ADAMTS12: variants seen among roughly 807,000 people sequenced by gnomAD.
ADAMTS12 encodes A disintegrin and metalloproteinase with thrombospondin motifs 12.
Under a neutral mutation model 167.8 loss-of-function variants are expected in ADAMTS12, and 118 were observed. The ratio of observed to expected loss-of-function variants is 0.70; its 90% CI spans 0.61 to 0.82. The LOEUF (loss-of-function observed/expected upper bound fraction) is 0.82, where lower values mean the gene tolerates loss of function less well. ADAMTS12 is among the 40% of genes least tolerant of loss of function. The pLI is 0.00. For synonymous variants in ADAMTS12, 704 were observed against 716.9 expected (o/e 0.98, Z 0.29); for missense variants, 1,916 against 1,998.8 (o/e 0.96, Z 0.79).
chr5:33,792,149 C>G (rs1315181017), intron 2 of ADAMTS12, among the ~76,000 whole-genome samples: 1 of 152,068 alleles, frequency 6.6e-6, no homozygotes, highest in Non-Finnish European at 1.5e-5. Context: ...AGGCGCCCAC[C>G]ACCATACCCA....
chr5:33,739,110 G>A (rs1398479691), intron 3 of ADAMTS12, among the ~76,000 whole-genome samples: 1 of 152,138 alleles, frequency 6.6e-6, no homozygotes, highest in Non-Finnish European at 1.5e-5. Flanking sequence ...TCAACATGCT[G>A]CATTTAAAGA....
At chr5:33,862,663 A>T (rs1182501639) in intron 2 of ADAMTS12, among the ~76,000 whole-genome samples, 1 of 152,240 alleles carries the variant, frequency 6.6e-6, no homozygotes, top group Non-Finnish European at 1.5e-5. Context: ...AAACAATTGA[A>T]AAAGAGGGAA....
At chr5:33,643,629 C>T in intron 9 of ADAMTS12, among the ~76,000 whole-genome samples, 159 bp from the exon 10 acceptor site, 1 of 152,178 alleles carries the variant, frequency 6.6e-6, no homozygotes, top group African/African-American at 2.4e-5. Context: ...GTTTTCAGTT[C>T]AAGCTTAACT....
At chr5:33,540,188 C>A (rs922971619) in intron 22 of ADAMTS12, among the ~76,000 whole-genome samples, 5 of 152,248 alleles carry the variant, frequency 3.3e-5, no homozygotes, top group African/African-American at 1.2e-4. Context: ...CCCACACTCA[C>A]GGAGCCTTGC....
At position 33,880,066 on chromosome 5, in the gene ADAMTS12, G is replaced by A. The variant is rs903869796; in HGVS notation, c.489+1053C>T. Reference sequence around the variant, plus strand: ...ACACACACCTCAAAAAATCTCAACAGAATTCCTGAGCATTGTTTGCCCTGC... The same window carrying A: ...ACACACACCTCAAAAAATCTCAACAAAATTCCTGAGCATTGTTTGCCCTGC... On this transcript the variant is annotated intron_variant, in intron 2 of 23. Coordinates refer to ENST00000504830, the MANE Select transcript of ADAMTS12 (RefSeq NM_030955.4). 3.3e-5 allele frequency among the ~76,000 whole-genome samples: 5 copies of A among 152,298 alleles called. No individual in the cohort carries two copies. The South Asian group carries it at 1.0e-3, about 32-fold the overall frequency.
intron 3 of ADAMTS12, among the ~76,000 whole-genome samples, chr5:33,719,838 C>T (rs572138368): frequency 8.5e-5 from 13 of 152,292 alleles, no homozygotes; most frequent in African/African-American, 2.6e-4. Flanking sequence ...TTTTAAAGGC[C>T]TTTCTGCCCA....
intron 3 of ADAMTS12, among the ~76,000 whole-genome samples, chr5:33,705,468 T>G (rs142727475): frequency 6.6e-4 from 101 of 152,216 alleles, no homozygotes; most frequent in Non-Finnish European, 4.9e-4. Context: ...TTATCTCCCA[T>G]CCAACAAGTT....
At chr5:33,788,118 C>T (rs1314139873) in intron 2 of ADAMTS12, among the ~76,000 whole-genome samples, 2 of 152,142 alleles carry the variant, frequency 1.3e-5, no homozygotes, top group East Asian at 1.9e-4. Flanking sequence ...GCCAGCCCCT[C>T]GAACTACAGT....
At chr5:33,652,876 T>C (rs1272262984) in intron 7 of ADAMTS12, among the ~76,000 whole-genome samples, 2 of 152,168 alleles carry the variant, frequency 1.3e-5, no homozygotes, top group Non-Finnish European at 2.9e-5. Flanking sequence ...ATGGTGTCCT[T>C]TCCCCATTGT....
chr5:33,891,629 G>C, intron 1 of ADAMTS12, 101 bp downstream of exon 1: 1 of 1,546,470 alleles, frequency 6.5e-7, no homozygotes, highest in South Asian at 1.2e-5. Context: ...TGGCTTTTCA[G>C]AGTTCAGTTC....
chr5:33,757,367 G>A (rs1219520086), intron 2 of ADAMTS12, among the ~76,000 whole-genome samples: 1 of 152,238 alleles, frequency 6.6e-6, no homozygotes, highest in Non-Finnish European at 1.5e-5. Context: ...TAAGGGCTAT[G>A]TGAGGGAGCT....
chr5:33,763,510 GTGT>G (rs1561258709), intron 2 of ADAMTS12, among the ~76,000 whole-genome samples: 1 of 152,230 alleles, frequency 6.6e-6, no homozygotes, highest in Non-Finnish European at 1.5e-5. Flanking sequence ...GAATAAATGT[GTGT>G]TGTTTTATGT....
chr5:33,857,184 T>C (rs1193423247), intron 2 of ADAMTS12, among the ~76,000 whole-genome samples: 2 of 152,152 alleles, frequency 1.3e-5, no homozygotes, highest in African/African-American at 4.8e-5. Context: ...TACGGCATGA[T>C]CTCACTTATA....
Position 33,561,124 on chromosome 5 carries a change from T to G in ADAMTS12, c.4028A>C (p.Gln1343Pro). The change falls in exon 20 of 24, where the codon CAG (glutamine) becomes CCG (proline). Residue 1343 changes from glutamine to proline, a missense_variant. Physicochemically the swap from Gln to Pro is moderately conservative, Grantham distance 76. Transcript: ENST00000504830. ...GATGGCCGCACAGTCAGAATCCATC[T>G]GGGTGCTGCACTCCACCCTTCTCCA... ...AYWRRVECSTQMDSDCAAIQR... is the reference protein window; with the variant it reads ...AYWRRVECSTPMDSDCAAIQR... The G allele has an allele frequency of 6.2e-7, 1 of 1,614,174 alleles. No homozygotes were observed. Among genetic ancestry groups the G allele is most frequent in the Non-Finnish European group, 8.5e-7 (1 of 1,180,004 alleles).
At chr5:33,884,976 A>C (rs1750586038) in intron 1 of ADAMTS12, among the ~76,000 whole-genome samples, 1 of 152,226 alleles carries the variant, frequency 6.6e-6, no homozygotes, top group Admixed American at 6.5e-5. Flanking sequence ...ATTCTGAATA[A>C]AATGTTATAC....
chr5:33,561,856 G>T (rs1745764418), intron 19 of ADAMTS12, among the ~76,000 whole-genome samples: 1 of 152,162 alleles, frequency 6.6e-6, no homozygotes, highest in Admixed American at 6.5e-5. Flanking sequence ...TCCTACCAAT[G>T]CTGTTCAGAG....
intron 9 of ADAMTS12, among the ~76,000 whole-genome samples, chr5:33,646,502 G>A (rs1740669356): frequency 6.6e-6 from 1 of 152,184 alleles, no homozygotes; most frequent in South Asian, 2.1e-4. Flanking sequence ...TCTAGAAGGA[G>A]TGGTCAAATG....
chr5:33,662,710 G>A (rs539203203), intron 5 of ADAMTS12, among the ~76,000 whole-genome samples: 4 of 152,342 alleles, frequency 2.6e-5, no homozygotes, highest in Admixed American at 6.5e-5. Context: ...GGGGCTACGA[G>A]GGAAGGGATT....
At chr5:33,728,804 AG>A (rs1285794374) in intron 3 of ADAMTS12, among the ~76,000 whole-genome samples, 28 of 152,268 alleles carry the variant, frequency 1.8e-4, no homozygotes, top group Non-Finnish European at 3.5e-4. Flanking sequence ...CAGTAATGTC[AG>A]GTATGGTTGA....
Sources: allele counts gnomAD v4.1 joint callset (sites outside exome capture counted in the v4.1 genomes callset), GRCh38; gene constraint gnomAD v4.1.1; transcripts MANE v1.5; gene names NCBI Gene and HGNC (gene_info 2026-07-23, HGNC 2026-07-21).